NR1D2: variants seen among roughly 807,000 people sequenced by gnomAD.
NR1D2 encodes nuclear receptor subfamily 1 group D member 2.
A neutral mutation model predicts 52.2 loss-of-function variants in NR1D2; 25 were observed. That is an observed-to-expected ratio of 0.48 (90% CI 0.35 to 0.67). The LOEUF is 0.67. Ranked by LOEUF, NR1D2 falls within the 30% of genes least tolerant of loss-of-function variation. NR1D2 has a pLI of 0.01. For synonymous variants in NR1D2, 259 were observed against 230.1 expected, an observed-to-expected ratio of 1.13 and a Z score of -1.14; for missense variants, 681 against 707.2, an observed-to-expected ratio of 0.96 and a Z score of 0.42.
intron 1 of NR1D2, among the ~76,000 whole-genome samples, chr3:23,949,512 T>A (rs1705866401): frequency 6.6e-6 from 1 of 152,200 alleles, no homozygotes; most frequent in Admixed American, 6.5e-5. Context: ...CTGCCCTCTT[T>A]AGTATGATCC....
rs114904532 is a variant in NR1D2 at position 23,972,067 on chromosome 3, T to G, written c.1543+4044T>G. ...TTGTTTAGAATTAAGTAACATAGTT[T>G]GCTTTATCTTTAAAATAGCTTTTTC... On this transcript the variant is annotated intron_variant, in intron 7 of 7. Coordinates refer to ENST00000312521, the MANE Select transcript of NR1D2 (RefSeq NM_005126.5). Among the ~76,000 whole-genome samples, 459 of 152,366 alleles carry G rather than the reference T, an allele frequency of 3.0e-3. 2 individuals are homozygous for G. The highest frequency in any genetic ancestry group is 0.011 in the African/African-American group (445 of 41,582).
At chr3:23,946,004 G>A (rs1705680501) in intron 1 of NR1D2, 2 of 676,624 alleles carry the variant, frequency 3.0e-6, no homozygotes, top group African/African-American at 2.0e-5. Context: ...ACATTCCCCG[G>A]GGCCGCAGGG....
chr3:23,952,672 G>A (rs1355682387), intron 1 of NR1D2, among the ~76,000 whole-genome samples: 5 of 151,428 alleles, frequency 3.3e-5, no homozygotes, highest in Admixed American at 3.3e-4. Flanking sequence ...GTTGCAGTGA[G>A]CTGAGGTTGT....
rs944543073 is a variant in NR1D2 at position 23,974,911 on chromosome 3, T to C, written c.1544-2312T>C. 2.0e-5 allele frequency among the ~76,000 whole-genome samples: 3 copies of C among 151,148 alleles called. No individual in the cohort carries two copies. The East Asian group carries it at 5.9e-4, about 29-fold the overall frequency. On this transcript the variant is annotated intron_variant, in intron 7 of 7. Transcript: ENST00000312521. ...TCGACTCACTGCAACCTCCATCCCC[T>C]GGGTTCAAGTGATTCTTGAGCCTCA...
intron 4 of NR1D2, among the ~76,000 whole-genome samples, chr3:23,960,684 C>G (rs1706213176): frequency 6.6e-6 from 1 of 152,020 alleles, no homozygotes; most frequent in African/African-American, 2.4e-5. Flanking sequence ...TTTTTCAATT[C>G]CCTGAAATTT....
intron 1 of NR1D2, among the ~76,000 whole-genome samples, chr3:23,949,433 A>G (rs1705864815): frequency 6.6e-6 from 1 of 151,656 alleles, no homozygotes; most frequent in African/African-American, 2.4e-5. Flanking sequence ...GTCTCTTTTG[A>G]TGATTTAAAC....
rs371248279 is a variant in NR1D2, at chr3:23,965,736, A to G, written c.1332+574A>G. Among the ~76,000 whole-genome samples the G allele has an allele frequency of 2.0e-4, 31 of 152,348 alleles. No individual in the cohort carries two copies. The East Asian group carries it at 2.9e-3, about 14-fold the overall frequency. On this transcript the variant is annotated intron_variant, in intron 6 of 7. Transcript: ENST00000312521. ...AATATAGGTATTCTGTATCTACAGC[A>G]TATGAACTCCTGAGTTCTAGTATTG...
intron 7 of NR1D2, among the ~76,000 whole-genome samples, chr3:23,975,172 G>A (rs1706690254): frequency 6.6e-6 from 1 of 151,980 alleles, no homozygotes; most frequent in Non-Finnish European, 1.5e-5. Flanking sequence ...CCAGACTGGA[G>A]TGCAGTGGAA....
chr3:23,949,997 C>T (rs1430674153), intron 1 of NR1D2, among the ~76,000 whole-genome samples: 1 of 152,190 alleles, frequency 6.6e-6, no homozygotes, highest in African/African-American at 2.4e-5. Context: ...TGGCCCAGGT[C>T]CAGGGTCCCT....
At chr3:23,961,369 T>C (rs892566026) in intron 4 of NR1D2, among the ~76,000 whole-genome samples, 28 of 150,558 alleles carry the variant, frequency 1.9e-4, no homozygotes, top group African/African-American at 6.6e-4. Context: ...TAATTTCATA[T>C]TTCTTTTTTC....
chr3:23,953,486 A>G (rs7619870), intron 1 of NR1D2, among the ~76,000 whole-genome samples: 82,011 of 151,862 alleles, frequency 0.54, 23,101 homozygotes, highest in Middle Eastern at 0.65. Flanking sequence ...TATAGCATGC[A>G]TTCTTCTAGC....
rs757836074 is a variant in NR1D2, at chr3:23,954,820, T to C, written c.283+17T>C. 1.2e-6 allele frequency: 2 copies of C among 1,606,800 alleles called. No homozygotes were observed. Among genetic ancestry groups the C allele is most frequent in the Admixed American group, 3.3e-5 (2 of 59,718 alleles). On this transcript the variant is annotated intron_variant, in intron 2 of 7. Transcript: ENST00000312521. ...GTGTGACAAGTAAGTTACTTTGGTTTTCTAAAGATTGCTGCCATTAATTGC... is the reference window on the plus strand; with the variant it reads ...GTGTGACAAGTAAGTTACTTTGGTTCTCTAAAGATTGCTGCCATTAATTGC...
rs148161236 is a variant in NR1D2, at chr3:23,964,130, G to A, written c.1147-847G>A. ...GTCTCACTCTGTCACCCAGGCTGGAGTGCAGTGGTATGATCTCGGCTCACT... is the reference window on the plus strand; with the variant it reads ...GTCTCACTCTGTCACCCAGGCTGGAATGCAGTGGTATGATCTCGGCTCACT... On this transcript the variant is annotated intron_variant, in intron 5 of 7. Coordinates refer to ENST00000312521, the MANE Select transcript of NR1D2 (RefSeq NM_005126.5). Among the ~76,000 whole-genome samples, 716 of 151,560 alleles carry A rather than the reference G, an allele frequency of 4.7e-3. 7 individuals are homozygous for A. Among genetic ancestry groups the A allele is most frequent in the African/African-American group, 0.016 (648 of 41,276 alleles).
intron 1 of NR1D2, chr3:23,946,083 C>A (rs1050882772): frequency 1.0e-6 from 1 of 984,508 alleles, no homozygotes; most frequent in African/African-American, 1.8e-5. Flanking sequence ...GAGGCTCCGC[C>A]CCTTTGGAAG....
intron 5 of NR1D2, 121 bp downstream of exon 5, chr3:23,962,726 T>C (rs983935473): frequency 8.7e-6 from 8 of 924,632 alleles, no homozygotes; most frequent in African/African-American, 6.7e-5. Context: ...ATTTACAGAC[T>C]TAATTTTGTA....
At chr3:23,961,750 G>A (rs1706253098) in intron 4 of NR1D2, among the ~76,000 whole-genome samples, 2 of 152,012 alleles carry the variant, frequency 1.3e-5, no homozygotes, top group Non-Finnish European at 2.9e-5. Context: ...GGAGGTAGAT[G>A]TCCTTAACTT....
Position 23,954,537 on chromosome 3 carries a change from G to A in NR1D2, c.17G>A (p.Gly6Glu). 1 of 1,609,386 alleles carries A rather than the reference G, an allele frequency of 6.2e-7. No homozygotes were observed. The highest frequency in any genetic ancestry group is 8.5e-7 in the Non-Finnish European group (1 of 1,176,836). The part of the protein sequence containing the change: MEVNA[G>E]GVIAYISSSS... The stretch of plus-strand genomic sequence containing the variant: ...ATGTGATTTTCCTCCTATTTTCTAG[G>A]AGGTGTGATTGCCTATATCAGTTCT... The change falls in exon 2 of 8, where the codon GGA becomes GAA. Residue 6 changes from glycine (G) to glutamate (E), a missense_variant and splice_region_variant. Gly to Glu is a moderately conservative substitution (Grantham distance 98). Transcript: ENST00000312521.
At chr3:23,946,480 CCT>C (rs1419118728) in intron 1 of NR1D2, 5 of 180,082 alleles carry the variant, frequency 2.8e-5, no homozygotes, top group African/African-American at 9.5e-5. Flanking sequence ...TAGCACCGCC[CCT>C]GTTAGGATGC....
Position 23,962,431 on chromosome 3 carries a change from G to A in NR1D2, c.972G>A (p.Gly324=). ...AGCATCTCAATGGACAGTTCAAAGGGAGGAATATAATGCATTACCCAAATG... is the reference window on the plus strand; with the variant it reads ...AGCATCTCAATGGACAGTTCAAAGGAAGGAATATAATGCATTACCCAAATG... The part of the protein sequence containing the change: ...SQQHLNGQFK[G]RNIMHYPNGH... Residue 324 remains glycine (G), a synonymous_variant, in exon 5 of 8, where the codon GGG becomes GGA. Coordinates refer to ENST00000312521, the MANE Select transcript of NR1D2 (RefSeq NM_005126.5). 6.2e-7 allele frequency: 1 copy of A among 1,614,152 alleles called. No individual in the cohort carries two copies. The highest frequency in any genetic ancestry group is 2.2e-5 in the East Asian group (1 of 44,870).
Sources: gnomAD v4.1 joint callset for allele counts (sites outside exome capture counted in the v4.1 genomes callset) on GRCh38, gnomAD v4.1.1 for gene constraint, MANE v1.5 for transcripts, NCBI Gene and HGNC (gene_info 2026-07-23, HGNC 2026-07-21) for gene names.